The following BOK variants were observed in gnomAD, a reference collection of about 807,000 sequenced individuals.
BOK encodes the protein bcl-2-related ovarian killer protein.
Under a neutral mutation model 18.3 loss-of-function variants are expected in BOK, and 20 were observed. The observed-to-expected ratio is 1.09, with a 90% CI of 0.77 to 1.59. The LOEUF is 1.59. Among genes scored for constraint, BOK ranks in the 40% most tolerant of loss-of-function variants. The pLI is 0.00. For missense variants in BOK, 348 were observed against 307.9 expected (o/e 1.13, Z -0.97); for synonymous variants, 173 against 142.4 (o/e 1.21, Z -1.53).
At chr2:241,559,825 C>A (rs1574994518) in intron 2 of BOK, 122 bp downstream of exon 2, 2 of 1,148,280 alleles carry the variant, frequency 1.7e-6, no homozygotes, top group South Asian at 3.3e-5. Flanking sequence ...GACGGCCAGG[C>A]GCTCGGGACA....
intron 3 of BOK, among the ~76,000 whole-genome samples, chr2:241,564,923 C>T (rs149336999): frequency 7.9e-5 from 12 of 152,306 alleles, no homozygotes; most frequent in Non-Finnish European, 1.3e-4. Flanking sequence ...AGGATGGGGC[C>T]AGGATGCCCC....
rs780592524 is a variant in BOK, at chr2:241,567,249, C to A, written c.350-2876C>A. On this transcript the variant is annotated intron_variant, in intron 3 of 4. Transcript: ENST00000318407. ...TCAAGCGATTCTCCTGCTTCACCCT[C>A]CTGAGTAGCTGGGATTACAGGCACC... 1.5e-5 allele frequency among the ~76,000 whole-genome samples: 2 copies of A among 132,910 alleles called. 1 individual carries two copies. The highest frequency in any genetic ancestry group is 3.2e-5 in the Non-Finnish European group (2 of 62,522). The allele number at this position is 132,910 out of a possible 152,430, so 87.2% of individuals were successfully genotyped here. A position where few individuals can be genotyped will look rare whatever the true frequency, so the allele number is the denominator to read the frequency against.
chr2:241,568,523 T>C (rs796174897), intron 3 of BOK, among the ~76,000 whole-genome samples: 9 of 152,238 alleles, frequency 5.9e-5, no homozygotes, highest in African/African-American at 2.2e-4. Context: ...GTTCAAGTGA[T>C]TGCCCTGCCT....
At chr2:241,554,244 G>C (rs146119690), upstream of BOK, among the ~76,000 whole-genome samples, 7 of 152,308 alleles carry the variant, frequency 4.6e-5, no homozygotes, top group South Asian at 6.2e-4. Context: ...GGACCAGGGT[G>C]GGGGAGGCAA....
intron 3 of BOK, among the ~76,000 whole-genome samples, chr2:241,566,954 T>C (rs2066625827): frequency 7.5e-6 from 1 of 133,448 alleles, no homozygotes; most frequent in South Asian, 2.5e-4. Flanking sequence ...GTGAATATGC[T>C]CAAAGATATC....
rs574133540 is a variant in BOK, at chr2:241,569,170, G to A, written c.350-955G>A. 1.1e-4 allele frequency among the ~76,000 whole-genome samples: 16 copies of A among 152,268 alleles called. No individual in the cohort carries two copies. In the East Asian group the frequency reaches 1.5e-3, roughly 15 times the overall value. ...TTTAGAGACGGGGTCTCGCTCTGTC[G>A]CCCAGGCTGGAGTGTACTGGCGCGA... On this transcript the variant is annotated intron_variant, in intron 3 of 4. Transcript: ENST00000318407.
At chr2:241,564,891 C>T (rs1213313979) in intron 3 of BOK, among the ~76,000 whole-genome samples, 1 of 152,214 alleles carries the variant, frequency 6.6e-6, no homozygotes, top group Non-Finnish European at 1.5e-5. Flanking sequence ...AGGTGGGGCG[C>T]CTCCCCCTTC....
intron 3 of BOK, among the ~76,000 whole-genome samples, chr2:241,564,218 C>T (rs1320051297): frequency 2.0e-5 from 3 of 152,192 alleles, no homozygotes; most frequent in Non-Finnish European, 4.4e-5. Context: ...CCGGGCTTGT[C>T]TTGTTGCCAC....
upstream of BOK, among the ~76,000 whole-genome samples, chr2:241,557,251 G>T (rs1054553539): frequency 1.6e-4 from 22 of 140,444 alleles, no homozygotes; most frequent in African/African-American, 5.5e-4. Context: ...TAGTTTTATT[G>T]TTCTTTTCTA....
rs529867040 is a variant in BOK, at chr2:241,572,120, T to A, written c.514-177T>A. ...CTGTCTGAATGTGCACGGCATCGGGTCTGGTCTTGTGTTGGAGCCTTCAGT... is the reference window on the plus strand; with the variant it reads ...CTGTCTGAATGTGCACGGCATCGGGACTGGTCTTGTGTTGGAGCCTTCAGT... On this transcript the variant is annotated intron_variant, in intron 4 of 4. Transcript: ENST00000318407. Among the ~76,000 whole-genome samples, 7 of 152,272 alleles carry A rather than the reference T, an allele frequency of 4.6e-5. No homozygotes were observed. In the South Asian group the frequency reaches 1.5e-3, roughly 32 times the overall value.
chr2:241,561,765 C>T (rs959118786), intron 2 of BOK, among the ~76,000 whole-genome samples: 3 of 151,924 alleles, frequency 2.0e-5, no homozygotes, highest in South Asian at 2.1e-4. Flanking sequence ...CAGGTGGGAG[C>T]GTGGCAGTGC....
intron 3 of BOK, among the ~76,000 whole-genome samples, chr2:241,564,287 G>A (rs905617224): frequency 2.0e-5 from 3 of 152,242 alleles, no homozygotes; most frequent in Admixed American, 6.5e-5. Flanking sequence ...TCAGGCTGTG[G>A]TGTGGGGTCA....
intron 2 of BOK, among the ~76,000 whole-genome samples, chr2:241,561,119 C>T (rs144046714): frequency 1.3e-5 from 2 of 152,322 alleles, no homozygotes; most frequent in Admixed American, 6.5e-5. Flanking sequence ...GCTTCCAGAT[C>T]TTAATTAATG....
chr2:241,565,680 C>A (rs2066599848), intron 3 of BOK, among the ~76,000 whole-genome samples: 1 of 152,208 alleles, frequency 6.6e-6, no homozygotes, highest in Non-Finnish European at 1.5e-5. Context: ...AGGGCTGGGG[C>A]CTTGGCTAGT....
chr2:241,556,155 C>T (rs996931595), upstream of BOK, among the ~76,000 whole-genome samples: 1 of 152,250 alleles, frequency 6.6e-6, no homozygotes, highest in Admixed American at 6.5e-5. Context: ...ATCTGAGGCG[C>T]ACACTGTCCA....
chr2:241,558,054 G>GACACACACACACACACACGC (rs2066468100), upstream of BOK, among the ~76,000 whole-genome samples: 3 of 143,244 alleles, frequency 2.1e-5, no homozygotes, highest in African/African-American at 7.9e-5. Context: ...AGAGTTCCGA[G>GACACACACACACACACACGC]ACACACACAC....
intron 3 of BOK, among the ~76,000 whole-genome samples, chr2:241,568,230 C>G (rs1310727084): frequency 6.6e-6 from 1 of 152,180 alleles, no homozygotes; most frequent in Non-Finnish European, 1.5e-5. Context: ...ACACCATTCT[C>G]CTGCCTCAGC....
intron 1 of BOK, among the ~76,000 whole-genome samples, chr2:241,553,296 G>A (rs957403021): frequency 1.3e-5 from 2 of 152,168 alleles, no homozygotes; most frequent in Admixed American, 1.3e-4. Flanking sequence ...GATTACAGGT[G>A]CCCGCTACCA....
At chr2:241,560,216 C>A (rs972937807) in intron 2 of BOK, 2 of 985,326 alleles carry the variant, frequency 2.0e-6, no homozygotes, top group Admixed American at 6.1e-5. Flanking sequence ...TGGGGGTGCT[C>A]GGTTCTGGGG....
Sources: gnomAD v4.1 joint callset for allele counts (sites outside exome capture counted in the v4.1 genomes callset) on GRCh38, gnomAD v4.1.1 for gene constraint, MANE v1.5 for transcripts, NCBI Gene and HGNC (gene_info 2026-07-23, HGNC 2026-07-21) for gene names.